The following LRR1 variants were observed in gnomAD, a reference collection of about 807,000 sequenced individuals.
The protein encoded by LRR1 is leucine rich repeat protein 1.
LRR1 carries 29 observed loss-of-function variants against 31.6 expected under a neutral mutation model. That is an observed-to-expected ratio of 0.92 (90% CI 0.68 to 1.25). The LOEUF (loss-of-function observed/expected upper bound fraction) is 1.25, where lower values mean the gene tolerates loss of function less well. LRR1 is among the 50% of genes most tolerant of loss of function. The pLI is 0.00. For missense variants in LRR1, 485 were observed against 487.2 expected (o/e 1.00, Z 0.04); for synonymous variants, 179 against 181.4 (o/e 0.99, Z 0.10).
At chr14:49,609,319 A>G (rs901220909) in intron 3 of LRR1, among the ~76,000 whole-genome samples, 3 of 139,784 alleles carry the variant, frequency 2.1e-5, no homozygotes, top group African/African-American at 8.1e-5. Context: ...TCTGCCTCCC[A>G]GACTCAAGCA....
At chr14:49,599,355 C>T in intron 1 of LRR1, 152 bp downstream of exon 1, 1 of 842,004 alleles carries the variant, frequency 1.2e-6, no homozygotes, top group Non-Finnish European at 1.8e-6. Context: ...ACCATCAGCC[C>T]GACCCCAGGG....
At chr14:49,606,390 G>A (rs904901039) in intron 2 of LRR1, among the ~76,000 whole-genome samples, 9 of 152,008 alleles carry the variant, frequency 5.9e-5, no homozygotes, top group Admixed American at 1.3e-4. Flanking sequence ...CCAGGCTGGA[G>A]TGCAGTGGCG....
Position 49,614,330 on chromosome 14 carries a change from G to T in LRR1, c.1079G>T (p.Gly360Val), listed in dbSNP as rs1257674174. The T allele has an allele frequency of 5.6e-6, 9 of 1,613,740 alleles. No homozygotes were observed. The highest frequency in any genetic ancestry group is 7.6e-6 in the Non-Finnish European group (9 of 1,179,956). ...GATACCGCAAAAATTTGTGTTTGTG[G>T]AAGATTCTGTCTGAACTCTTTCATT... ...DLDTAKICVC[G>V]RFCLNSFIQG... Residue 360 changes from glycine (G) to valine (V), a missense_variant, in exon 4 of 4, where the codon GGA becomes GTA. By Grantham distance (109) the Gly-to-Val change is moderately radical (BLOSUM62 -3). Around this residue, in one of 3 missense-constraint regions of LRR1, gnomAD observed 210 missense variants for 200.4 expected, o/e 1.05. Transcript: ENST00000298288.
At chr14:49,599,655 G>A (rs1485433742) in intron 1 of LRR1, among the ~76,000 whole-genome samples, 1 of 151,748 alleles carries the variant, frequency 6.6e-6, no homozygotes, top group Non-Finnish European at 1.5e-5. Context: ...CACAGTTGCC[G>A]TCTCCCCCGG....
At chr14:49,605,248 C>T (rs533515748) in intron 2 of LRR1, among the ~76,000 whole-genome samples, 1 of 152,104 alleles carries the variant, frequency 6.6e-6, no homozygotes, top group Non-Finnish European at 1.5e-5. Context: ...ATTAAAAGTT[C>T]GATAACTAAG....
chr14:49,613,666 A>AG (rs1360632230), intron 3 of LRR1, among the ~76,000 whole-genome samples: 4 of 151,250 alleles, frequency 2.6e-5, no homozygotes, highest in African/African-American at 9.7e-5. Context: ...GCAAAAAAAA[A>AG]TTATCTGGGC....
rs1345692607 is a variant in LRR1 at position 49,600,485 on chromosome 14, A to G, written c.183+1282A>G. The G allele has an allele frequency of 1.4e-5, 22 of 1,586,642 alleles. No homozygotes were observed. The Admixed American group carries it at 2.7e-4, about 19-fold the overall frequency. ...GAGCATGCTGCTATGTGGAATGTTCAGCTTTAACCCAGAAGGGATTGAAGA... is the reference window on the plus strand; with the variant it reads ...GAGCATGCTGCTATGTGGAATGTTCGGCTTTAACCCAGAAGGGATTGAAGA... On this transcript the variant is annotated intron_variant, in intron 1 of 3. Coordinates refer to ENST00000298288, the MANE Select transcript of LRR1 (RefSeq NM_152329.4).
intron 1 of LRR1, chr14:49,601,708 G>C: frequency 7.8e-7 from 1 of 1,285,848 alleles, no homozygotes; most frequent in Non-Finnish European, 1.0e-6. Context: ...GGGAGAAAAG[G>C]AGCATTCTCT....
intron 2 of LRR1, among the ~76,000 whole-genome samples, chr14:49,606,914 C>G (rs1229517963): frequency 1.3e-5 from 2 of 152,314 alleles, no homozygotes; most frequent in East Asian, 1.9e-4. Flanking sequence ...GCCTCGGCCT[C>G]CCAAAGTGCT....
chr14:49,614,563 G>A lies in LRR1; in HGVS notation c.*67G>A, dbSNP rs750363427. ...TGGGGTGCATGTATGATTTTGCAGC[G>A]TCAAATTGGAGTAAGGGAAGATTTC... On this transcript the variant is annotated 3_prime_UTR_variant, in exon 4 of 4. Transcript: ENST00000298288. 28 of 1,596,588 alleles carry A rather than the reference G, an allele frequency of 1.8e-5. No individual in the cohort carries two copies. Among genetic ancestry groups the A allele is most frequent in the South Asian group, 7.8e-5 (7 of 90,120 alleles).
At chr14:49,603,636 T>C in intron 2 of LRR1, 1 of 1,043,922 alleles carries the variant, frequency 9.6e-7, no homozygotes, top group Non-Finnish European at 1.2e-6. Context: ...CCACCACTCC[T>C]GGCGAATTTT....
intron 1 of LRR1, among the ~76,000 whole-genome samples, chr14:49,602,139 A>C (rs1204437762): frequency 2.8e-5 from 3 of 107,664 alleles, no homozygotes; most frequent in Non-Finnish European, 3.7e-5. Context: ...AAAAAAAACA[A>C]CTTTTTTTTT....
chr14:49,607,650 G>C lies in LRR1; in HGVS notation c.533G>C (p.Ser178Thr). The part of the protein sequence containing the change: ...RVDMRMLCLK[S>T]LRKLDLSHNH... Reference sequence around the variant, plus strand: ...GATATGCGTATGCTTTGCTTAAAAAGCCTTAGGAAATTAGACTTGAGTCAC... The same window carrying C: ...GATATGCGTATGCTTTGCTTAAAAACCCTTAGGAAATTAGACTTGAGTCAC... Residue 178 changes from serine (S) to threonine (T), a missense_variant, in exon 3 of 4, where the codon AGC becomes ACC. Coordinates refer to ENST00000298288, the MANE Select transcript of LRR1 (RefSeq NM_152329.4). 1 of 1,613,958 alleles carries C rather than the reference G, an allele frequency of 6.2e-7. No individual in the cohort carries two copies. The highest frequency in any genetic ancestry group is 8.5e-7 in the Non-Finnish European group (1 of 1,179,996).
chr14:49,612,437 A>G lies in LRR1; in HGVS notation c.1005-1819A>G, dbSNP rs780537661. 5.9e-6 allele frequency: 7 copies of G among 1,189,762 alleles called. No homozygotes were observed. In the South Asian group the frequency reaches 9.4e-5, roughly 16 times the overall value. The allele number at this position is 1,189,762 out of a possible 1,614,324, so 73.7% of individuals were successfully genotyped here. On this transcript the variant is annotated intron_variant, in intron 3 of 3. Transcript: ENST00000298288. ...ATTTAAGTTATGTCAGATAGAAAAT[A>G]CAGTTTTTAACTGTTGTCTGTTTCC...
At chr14:49,600,867 A>G in intron 1 of LRR1, 7 of 1,149,502 alleles carry the variant, frequency 6.1e-6, no homozygotes, top group South Asian at 3.3e-5. Context: ...CAGGGGTTTC[A>G]TAGTTTAAAA....
rs371940926 is a variant in LRR1 at position 49,598,992 on chromosome 14, G to T, written c.-29G>T. On this transcript the variant is annotated 5_prime_UTR_variant, in exon 1 of 4. Transcript: ENST00000298288. The stretch of plus-strand genomic sequence containing the variant: ...CGGGAAGGAGGAAGTTTCAAAGCCA[G>T]CTTGACGTGGTTGTGGCCGTTGGGC... 1 of 1,586,794 alleles carries T rather than the reference G, an allele frequency of 6.3e-7. No homozygotes were observed.
chr14:49,611,677 C>G (rs1433589052), intron 3 of LRR1, among the ~76,000 whole-genome samples: 1 of 152,126 alleles, frequency 6.6e-6, no homozygotes, highest in Non-Finnish European at 1.5e-5. Context: ...AATCCCAGCA[C>G]TTTGGGAGGT....
intron 2 of LRR1, among the ~76,000 whole-genome samples, chr14:49,606,623 G>T (rs886990491): frequency 9.3e-5 from 14 of 150,304 alleles, no homozygotes; most frequent in Non-Finnish European, 2.1e-4. Context: ...ATAGGCGTGA[G>T]TCACTACACC....
chr14:49,612,549 A>AAC, intron 3 of LRR1: 5 of 1,220,118 alleles, frequency 4.1e-6, no homozygotes, highest in Non-Finnish European at 5.2e-6. Context: ...ATGGTTACTT[A>AAC]AGCAACAGAT....
Sources: allele counts gnomAD v4.1 joint callset (sites outside exome capture counted in the v4.1 genomes callset), GRCh38; gene constraint gnomAD v4.1.1; regional missense constraint gnomAD v4.1.1; transcripts MANE v1.5; gene names NCBI Gene and HGNC (gene_info 2026-07-23, HGNC 2026-07-21).